Variants in RAD54L2 observed in about 807,000 individuals in gnomAD.
The protein encoded by RAD54L2 is RAD54 like 2, also known as helicase ARIP4.
A neutral mutation model predicts 138.4 loss-of-function variants in RAD54L2; 27 were observed. The ratio of observed to expected loss-of-function variants is 0.20; its 90% CI spans 0.14 to 0.27. The LOEUF (loss-of-function observed/expected upper bound fraction) is 0.27. Ranked by LOEUF, RAD54L2 falls within the 10% of genes least tolerant of loss-of-function variation. RAD54L2 has a pLI of 1.00. For missense variants in RAD54L2, 1,396 were observed against 1,890.2 expected, an observed-to-expected ratio of 0.74 and a Z score of 4.85; for synonymous variants, 644 against 723.2, an observed-to-expected ratio of 0.89 and a Z score of 1.76.
intron 2 of RAD54L2, among the ~76,000 whole-genome samples, chr3:51,573,835 G>GTTAT (rs371149607): frequency 1.3e-5 from 2 of 152,146 alleles, no homozygotes; most frequent in South Asian, 4.1e-4. Flanking sequence ...CTTTTAGAAA[G>GTTAT]TTATTTATTT....
intron 2 of RAD54L2, among the ~76,000 whole-genome samples, chr3:51,588,578 G>GA (rs1248733166): frequency 7.0e-6 from 1 of 143,460 alleles, no homozygotes; most frequent in Non-Finnish European, 1.5e-5. Context: ...GAAATATACA[G>GA]AAAAAATGGA....
At chr3:51,610,101 A>G (rs575390051) in intron 3 of RAD54L2, among the ~76,000 whole-genome samples, 1 of 151,916 alleles carries the variant, frequency 6.6e-6, no homozygotes, top group South Asian at 2.1e-4. Flanking sequence ...GAGCCACTGC[A>G]CTCCAGCCTG....
intron 2 of RAD54L2, among the ~76,000 whole-genome samples, chr3:51,549,492 T>C (rs1472458615): frequency 6.6e-6 from 1 of 152,058 alleles, no homozygotes; most frequent in Non-Finnish European, 1.5e-5. Flanking sequence ...CTGGGCGCGG[T>C]GGCTTATACC....
At chr3:51,632,749 G>A (rs1700881142) in intron 7 of RAD54L2, among the ~76,000 whole-genome samples, 1 of 151,940 alleles carries the variant, frequency 6.6e-6, no homozygotes, top group South Asian at 2.1e-4. Context: ...AAAATTAGGT[G>A]GGCATGGTGG....
intron 3 of RAD54L2, among the ~76,000 whole-genome samples, chr3:51,594,066 C>CTTTTTTTTTTTTTTTTTTTTTTTTTT (rs904101025): frequency 9.5e-6 from 1 of 105,134 alleles, no homozygotes; most frequent in Non-Finnish European, 2.0e-5. Flanking sequence ...TTTTCTTTTT[C>CTTTTTTTTTTTTTTTTTTTTTTTTTT]TTTTTTTTTT....
At chr3:51,643,736 C>T (rs936312198) in intron 15 of RAD54L2, 139 bp from the exon 16 acceptor site, 1 of 701,132 alleles carries the variant, frequency 1.4e-6, no homozygotes, top group Admixed American at 2.6e-5. Flanking sequence ...ACTGTAGACC[C>T]ATGATACGTC....
intron 2 of RAD54L2, among the ~76,000 whole-genome samples, chr3:51,564,736 G>A (rs1398174564): frequency 6.6e-6 from 1 of 152,186 alleles, no homozygotes; most frequent in Non-Finnish European, 1.5e-5. Flanking sequence ...GGGCCAGATG[G>A]TGAAACCACA....
At chr3:51,607,961 C>T (rs1190458318) in intron 3 of RAD54L2, among the ~76,000 whole-genome samples, 2 of 141,808 alleles carry the variant, frequency 1.4e-5, no homozygotes, top group African/African-American at 5.8e-5. Context: ...GGTGGCTGGC[C>T]GGGTGGGGGC....
At chr3:51,588,268 C>T (rs1577406064) in intron 2 of RAD54L2, among the ~76,000 whole-genome samples, 1 of 140,232 alleles carries the variant, frequency 7.1e-6, no homozygotes, top group South Asian at 2.2e-4. Context: ...GGCACAGTGG[C>T]TGATGCCTGT....
chr3:51,575,399 G>A (rs981696662), intron 2 of RAD54L2, among the ~76,000 whole-genome samples: 1 of 152,148 alleles, frequency 6.6e-6, no homozygotes, highest in African/African-American at 2.4e-5. Flanking sequence ...GTCATTGGTA[G>A]CTTCATGGGG....
intron 2 of RAD54L2, among the ~76,000 whole-genome samples, chr3:51,586,293 A>G (rs1699707516): frequency 6.6e-6 from 1 of 151,958 alleles, no homozygotes. Context: ...TAGTTTTTGT[A>G]TATTTTGTAG....
intron 20 of RAD54L2, 54 bp from the exon 21 acceptor site, chr3:51,657,526 C>T (rs1701634544): frequency 3.2e-6 from 4 of 1,253,458 alleles, no homozygotes; most frequent in Non-Finnish European, 4.6e-6. Context: ...AATTTTCCCC[C>T]CTCCTTCAGT....
In RAD54L2 at chr3:51,635,732, T is replaced by A; in HGVS notation, c.1282T>A (p.Ser428Thr). The part of the protein sequence containing the change: ...TGRPKKTKKR[S>T]HPVIIDLDEE... ...TAGACCGAAGAAAACCAAGAAGCGT[T>A]CTCACCCAGTCATCATTGATCTAGA... The change falls in exon 10 of 23, where the codon TCT becomes ACT. Residue 428 changes from serine (S) to threonine (T), a missense_variant. Transcript: ENST00000684192. The A allele has an allele frequency of 6.2e-7, 1 of 1,613,806 alleles. No homozygotes were observed. The highest frequency in any genetic ancestry group is 8.5e-7 in the Non-Finnish European group (1 of 1,179,814).
chr3:51,637,092 T>C lies in RAD54L2; in HGVS notation c.1340-69T>C. On this transcript the variant is annotated intron_variant, in intron 10 of 22. Coordinates refer to ENST00000684192, the MANE Select transcript of RAD54L2 (RefSeq NM_015106.4). This position sits in a 1 kb window ranked among gnomAD's most constrained non-coding sequence, Gnocchi z 5.9. Reference sequence around the variant, plus strand: ...TTCTGTCTCCTCCAGGGTGCACCCCTACTTCTCATATTATTGACTAAGAGC... The same window carrying C: ...TTCTGTCTCCTCCAGGGTGCACCCCCACTTCTCATATTATTGACTAAGAGC... The C allele has an allele frequency of 7.4e-7, 1 of 1,345,652 alleles. No homozygotes were observed. Among genetic ancestry groups the C allele is most frequent in the Non-Finnish European group, 1.0e-6 (1 of 966,250 alleles). 83.4% of individuals were successfully genotyped at this position (1,345,652 alleles called of 1,614,324 possible). A position where few individuals can be genotyped will look rare whatever the true frequency, so the allele number is the denominator to read the frequency against.
chr3:51,549,777 CAAA>C (rs5848927), intron 2 of RAD54L2, among the ~76,000 whole-genome samples: 1 of 63,062 alleles, frequency 1.6e-5, no homozygotes, highest in Admixed American at 1.9e-4. Context: ...GTCTCCATCT[CAAA>C]AAAAAAAAAA....
chr3:51,552,105 C>G (rs1056985798), intron 2 of RAD54L2, among the ~76,000 whole-genome samples: 10 of 152,098 alleles, frequency 6.6e-5, no homozygotes, highest in Admixed American at 6.5e-4. Context: ...CACAGAAATT[C>G]TACTTATAGA....
intron 2 of RAD54L2, among the ~76,000 whole-genome samples, chr3:51,546,425 G>T (rs933052430): frequency 6.6e-6 from 1 of 151,436 alleles, no homozygotes; most frequent in Non-Finnish European, 1.5e-5. Context: ...CGGATCACCT[G>T]ATGTCGGAAG....
rs542079391 is a variant in RAD54L2 at position 51,628,642 on chromosome 3, C to T, written c.342-692C>T. Among the ~76,000 whole-genome samples the T allele has an allele frequency of 6.6e-5, 10 of 151,962 alleles. No individual in the cohort carries two copies. The East Asian group carries it at 1.7e-3, about 27-fold the overall frequency. ...TGGCTTCAAGTGAACTGCCCACCTT[C>T]GCCTCCCAAAGTGCTGGGATTTCAG... is the stretch of plus-strand genomic sequence containing the variant. On this transcript the variant is annotated intron_variant, in intron 4 of 22. Transcript: ENST00000684192.
intron 3 of RAD54L2, among the ~76,000 whole-genome samples, chr3:51,605,990 T>C (rs773551110): frequency 3.3e-5 from 5 of 151,954 alleles, no homozygotes; most frequent in Non-Finnish European, 7.4e-5. Flanking sequence ...TTCGTAACTG[T>C]TGGATTAAGA....
Sources: gnomAD v4.1 joint callset for allele counts (sites outside exome capture counted in the v4.1 genomes callset) on GRCh38, gnomAD v4.1.1 for gene constraint, Gnocchi (gnomAD v3.1) non-coding constraint, MANE v1.5 for transcripts, NCBI Gene and HGNC (gene_info 2026-07-23, HGNC 2026-07-21) for gene names.